EMP1: variants seen among roughly 807,000 people sequenced by gnomAD.
The protein encoded by EMP1 is epithelial membrane protein 1.
A neutral mutation model predicts 15.7 loss-of-function variants in EMP1; 5 were observed. That is an observed-to-expected ratio of 0.32 (90% CI 0.17 to 0.67). The LOEUF is 0.67. EMP1 is among the 30% of genes least tolerant of loss of function. The pLI, the probability that EMP1 is intolerant of heterozygous loss-of-function variation, is 0.74. For synonymous variants in EMP1, 78 were observed against 76.7 expected, an observed-to-expected ratio of 1.02 and a Z score of -0.09; for missense variants, 166 against 194.2, an observed-to-expected ratio of 0.85 and a Z score of 0.86.
rs780443287 is a variant in EMP1 at position 13,213,902 on chromosome 12, AG to A, written c.316+82del. ...GTGTTTCTGGCAACTTGAACAGATT[AG>A]CACATGGTTCAGTGAAACTTCCTTG... On this transcript the variant is annotated intron_variant, in intron 4 of 4. Coordinates refer to ENST00000256951, the MANE Select transcript of EMP1 (RefSeq NM_001423.3). 5.1e-6 allele frequency: 8 copies of A among 1,578,604 alleles called. No homozygotes were observed. In the African/African-American group the frequency reaches 1.1e-4, roughly 21 times the overall value.
At chr12:13,204,364 C>T (rs1411842129) in intron 1 of EMP1, among the ~76,000 whole-genome samples, 4 of 152,202 alleles carry the variant, frequency 2.6e-5, no homozygotes, top group African/African-American at 9.7e-5. Flanking sequence ...GTCTCATCCA[C>T]TCAGCCTGCC....
At chr12:13,214,208 A>G in intron 4 of EMP1, 2 of 597,218 alleles carry the variant, frequency 3.3e-6, no homozygotes, top group Non-Finnish European at 5.9e-6. Context: ...GTGGAAGGAC[A>G]TGCTCTTTTG....
intron 2 of EMP1, 75 bp from the exon 3 acceptor site, chr12:13,213,404 C>T: frequency 7.4e-7 from 1 of 1,345,890 alleles, no homozygotes; most frequent in Non-Finnish European, 1.1e-6. Flanking sequence ...GATCCCGATG[C>T]AAGCTGATTT....
intron 1 of EMP1, chr12:13,199,167 C>T (rs964485851): frequency 2.0e-5 from 3 of 152,386 alleles, no homozygotes; most frequent in African/African-American, 7.2e-5. Context: ...TAGAATCTGG[C>T]TATCTCCCAG....
At position 13,219,283 on chromosome 12, in the gene EMP1, T is replaced by G. The variant is rs1203079388; in HGVS notation, c.*4592T>G. The G allele has an allele frequency of 6.6e-6, 1 of 152,224 alleles. No homozygotes were observed. Among genetic ancestry groups the G allele is most frequent in the Non-Finnish European group, 1.5e-5 (1 of 68,054 alleles). The allele number at this position is 152,224 out of a possible 1,614,324, so 9.4% of individuals were successfully genotyped here. A position where few individuals can be genotyped will look rare whatever the true frequency, so the allele number is the denominator to read the frequency against. ...GTCAGGTCCATACTCAACTCAAGCT[T>G]CTGGTTAACTGCTGATCTATTGGCA... On this transcript the variant is annotated 3_prime_UTR_variant, in exon 5 of 5. Coordinates refer to ENST00000256951, the MANE Select transcript of EMP1 (RefSeq NM_001423.3).
intron 1 of EMP1, among the ~76,000 whole-genome samples, chr12:13,204,197 C>T (rs7305739): frequency 0.13 from 19,938 of 152,078 alleles, 1,355 homozygotes; most frequent in East Asian, 0.2. Flanking sequence ...ATGCAGAGGC[C>T]GGAGGAAATG....
In EMP1 at chr12:13,216,533, A is replaced by G. The variant is rs1187659004; in HGVS notation, c.*1842A>G. On this transcript the variant is annotated 3_prime_UTR_variant, in exon 5 of 5. Transcript: ENST00000256951. ...ATACTTACATTTCAGACATATCCAA[A>G]GGGAATACTCACATTTTGTTAAGAA... 1.3e-5 allele frequency: 9 copies of G among 692,370 alleles called. No homozygotes were observed. Among genetic ancestry groups the G allele is most frequent in the Non-Finnish European group, 1.8e-5 (7 of 379,202 alleles). 42.9% of individuals were successfully genotyped at this position (692,370 alleles called of 1,614,324 possible).
At chr12:13,197,062 A>C (rs1864021307) in intron 1 of EMP1, among the ~76,000 whole-genome samples, 190 bp downstream of exon 1, 1 of 152,184 alleles carries the variant, frequency 6.6e-6, no homozygotes, top group Non-Finnish European at 1.5e-5. Flanking sequence ...TTTTTCTAGA[A>C]AGTTCAGAAA....
chr12:13,199,964 C>CTTCTT lies in EMP1; in HGVS notation c.-43+3094_-43+3095insCTTTT, dbSNP rs1343966787. On this transcript the variant is annotated intron_variant, in intron 1 of 4. Coordinates refer to ENST00000256951, the MANE Select transcript of EMP1 (RefSeq NM_001423.3). ...ATCTTTTCTTCTTCTTCTTCTTCTT[C>CTTCTT]TTTTTTTTTTTTTTTTTGCCTAAGG... Among the ~76,000 whole-genome samples the CTTCTT allele has an allele frequency of 1.2e-4, 13 of 107,630 alleles. No individual in the cohort carries two copies. The East Asian group carries it at 4.0e-3, about 33-fold the overall frequency. The allele number at this position is 107,630 out of a possible 152,430, so 70.6% of individuals were successfully genotyped here.
chr12:13,198,689 C>T (rs753499929), intron 1 of EMP1, among the ~76,000 whole-genome samples: 16 of 152,176 alleles, frequency 1.1e-4, no homozygotes, highest in South Asian at 6.2e-4. Context: ...AGTCAACACA[C>T]GGAAAGCCCT....
intron 1 of EMP1, among the ~76,000 whole-genome samples, chr12:13,202,966 T>C (rs1269599028): frequency 6.6e-6 from 1 of 152,148 alleles, no homozygotes; most frequent in East Asian, 1.9e-4. Flanking sequence ...CATTTCTCCT[T>C]TGGGGACGTG....
At chr12:13,205,386 A>G (rs1565578007) in intron 1 of EMP1, among the ~76,000 whole-genome samples, 1 of 152,264 alleles carries the variant, frequency 6.6e-6, no homozygotes, top group Non-Finnish European at 1.5e-5. Flanking sequence ...AGGTATTTAT[A>G]TAGAAATATA....
Position 13,216,237 on chromosome 12 carries a change from T to C in EMP1, c.*1546T>C, listed in dbSNP as rs1200490999. ...GGAGAATCTGAGACATCTTGCCTAC[T>C]TTTCTTTATTAGCTTTCTCCTCATC... is the stretch of plus-strand genomic sequence containing the variant. On this transcript the variant is annotated 3_prime_UTR_variant, in exon 5 of 5. Coordinates refer to ENST00000256951, the MANE Select transcript of EMP1 (RefSeq NM_001423.3). The C allele has an allele frequency of 5.0e-6, 3 of 603,952 alleles. No homozygotes were observed. Among genetic ancestry groups the C allele is most frequent in the Non-Finnish European group, 8.8e-6 (3 of 341,880 alleles). The allele number at this position is 603,952 out of a possible 1,614,324, so 37.4% of individuals were successfully genotyped here. A position where few individuals can be genotyped will look rare whatever the true frequency, so the allele number is the denominator to read the frequency against.
chr12:13,213,872 C>T (rs569851146), intron 4 of EMP1, 51 bp downstream of exon 4: 2 of 1,607,586 alleles, frequency 1.2e-6, no homozygotes, highest in Non-Finnish European at 1.7e-6. Context: ...TCCATCTTAC[C>T]ATGGGTGTTT....
rs762485781 is a variant in EMP1 at position 13,213,807 on chromosome 12, C to T, written c.302C>T (p.Thr101Ile). The change falls in exon 4 of 5, where the codon ACC becomes ATC. Residue 101 changes from threonine to isoleucine, a missense_variant. Coordinates refer to ENST00000256951, the MANE Select transcript of EMP1 (RefSeq NM_001423.3). Reference protein sequence around the residue: ...KGNRFFLSGATTLVCWLCILV... With the variant: ...KGNRFFLSGAITLVCWLCILV... ...AACCGGTTCTTCCTCTCAGGGGCCA[C>T]CACACTGGTGTGCTGTGAGTATCTC... 8.7e-6 allele frequency: 14 copies of T among 1,614,034 alleles called. No individual in the cohort carries two copies. The highest frequency in any genetic ancestry group is 1.1e-5 in the Non-Finnish European group (13 of 1,180,038).
Position 13,218,017 on chromosome 12 carries a change from A to G in EMP1, c.*3326A>G, listed in dbSNP as rs1669294865. 1 of 152,218 alleles carries G rather than the reference A, an allele frequency of 6.6e-6. No individual in the cohort carries two copies. Among genetic ancestry groups the G allele is most frequent in the Admixed American group, 6.5e-5 (1 of 15,290 alleles). 9.4% of individuals were successfully genotyped at this position (152,218 alleles called of 1,614,324 possible). ...GTCTTAGGTAGAGACAAATTGAATTAAAGTGGTTAAGTAAATACTCTTAGG... is the reference window on the plus strand; with the variant it reads ...GTCTTAGGTAGAGACAAATTGAATTGAAGTGGTTAAGTAAATACTCTTAGG... On this transcript the variant is annotated 3_prime_UTR_variant, in exon 5 of 5. Coordinates refer to ENST00000256951, the MANE Select transcript of EMP1 (RefSeq NM_001423.3).
rs1773133586 is a variant in EMP1, at chr12:13,218,941, T to C, written c.*4250T>C. Reference sequence around the variant, plus strand: ...AGGGAAGAAGAAAGATTTTCAGTTCTTCAGCTTTTCCTCATGACCCTATCT... The same window carrying C: ...AGGGAAGAAGAAAGATTTTCAGTTCCTCAGCTTTTCCTCATGACCCTATCT... On this transcript the variant is annotated 3_prime_UTR_variant, in exon 5 of 5. Coordinates refer to ENST00000256951, the MANE Select transcript of EMP1 (RefSeq NM_001423.3). The C allele has an allele frequency of 6.6e-6, 1 of 152,188 alleles. No individual in the cohort carries two copies. The highest frequency in any genetic ancestry group is 1.5e-5 in the Non-Finnish European group (1 of 68,030). The allele number at this position is 152,188 out of a possible 1,614,324, so 9.4% of individuals were successfully genotyped here. A position where few individuals can be genotyped will look rare whatever the true frequency, so the allele number is the denominator to read the frequency against.
At position 13,218,305 on chromosome 12, in the gene EMP1, T is replaced by G. The variant is rs1214522314; in HGVS notation, c.*3614T>G. The G allele has an allele frequency of 6.6e-6, 1 of 152,208 alleles. No individual in the cohort carries two copies. The highest frequency in any genetic ancestry group is 2.4e-5 in the African/African-American group (1 of 41,450). The allele number at this position is 152,208 out of a possible 1,614,324, so 9.4% of individuals were successfully genotyped here. On this transcript the variant is annotated 3_prime_UTR_variant, in exon 5 of 5. Transcript: ENST00000256951. Reference sequence around the variant, plus strand: ...AAGGCATATGAAGACCAAAAGGATATTGAGCAGGGTTCCATACTTGAATAA... The same window carrying G: ...AAGGCATATGAAGACCAAAAGGATAGTGAGCAGGGTTCCATACTTGAATAA...
chr12:13,204,982 A>C lies in EMP1; in HGVS notation c.-42-6487A>C, dbSNP rs566314710. Among the ~76,000 whole-genome samples, 613 of 152,294 alleles carry C rather than the reference A, an allele frequency of 4.0e-3. 1 individual carries two copies. Among genetic ancestry groups the C allele is most frequent in the African/African-American group, 0.014 (584 of 41,558 alleles). ...AGAGGAAGAATTAGTCTAGTCAGGT[A>C]ATCTCACCGGCAGAATTAAAAGTCA... On this transcript the variant is annotated intron_variant, in intron 1 of 4. Transcript: ENST00000256951.
Sources: gnomAD v4.1 joint callset for allele counts (sites outside exome capture counted in the v4.1 genomes callset) on GRCh38, gnomAD v4.1.1 for gene constraint, MANE v1.5 for transcripts, NCBI Gene and HGNC (gene_info 2026-07-23, HGNC 2026-07-21) for gene names.